NAALADL2: variants seen among roughly 807,000 people sequenced by gnomAD.
NAALADL2 encodes the protein inactive N-acetylated-alpha-linked acidic dipeptidase-like protein 2.
In NAALADL2, 76 loss-of-function variants were observed where a neutral mutation model predicts 87.2. That is an observed-to-expected ratio of 0.87 (90% confidence interval 0.72 to 1.05). The LOEUF (loss-of-function observed/expected upper bound fraction) is 1.05, where lower values mean the gene tolerates loss of function less well. Ranked by LOEUF, NAALADL2 falls within the 50% of genes least tolerant of loss-of-function variation. The probability of loss-of-function intolerance (pLI) is 0.00; values close to 1 mark genes in which losing one functional copy is unlikely to be tolerated. For synonymous variants in NAALADL2, 354 were observed against 331.0 expected (o/e 1.07, Z -0.75); for missense variants, 1,089 against 945.8 (o/e 1.15, Z -1.99).
intron 9 of NAALADL2, among the ~76,000 whole-genome samples, chr3:175,485,592 C>A (rs1727141738): frequency 1.3e-5 from 2 of 152,208 alleles, no homozygotes; most frequent in South Asian, 4.2e-4. Flanking sequence ...GAACCTGGAA[C>A]CTGATGTTCA....
At chr3:175,401,105 A>C (rs2149058531) in intron 5 of NAALADL2, among the ~76,000 whole-genome samples, 1 of 152,248 alleles carries the variant, frequency 6.6e-6, no homozygotes, top group East Asian at 1.9e-4. Context: ...AGGTCAAAAC[A>C]GGTACAGGTA....
At chr3:175,311,600 C>A (rs575699388) in intron 4 of NAALADL2, among the ~76,000 whole-genome samples, 1 of 150,866 alleles carries the variant, frequency 6.6e-6, no homozygotes, top group African/African-American at 2.4e-5. Flanking sequence ...CCTCCCTTAC[C>A]CACCCTCTTT....
At chr3:174,799,472 C>G (rs1281021836) in intron 3 of NAALADL2, among the ~76,000 whole-genome samples, 1 of 152,128 alleles carries the variant, frequency 6.6e-6, no homozygotes, top group Non-Finnish European at 1.5e-5. Context: ...TGCACAAGCT[C>G]TCTGTTTGCC....
At chr3:175,481,533 T>C (rs9290559) in intron 9 of NAALADL2, among the ~76,000 whole-genome samples, 94,058 of 151,588 alleles carry the variant, frequency 0.62, 31,033 homozygotes, top group East Asian at 0.89. Flanking sequence ...CTTGAAAAAA[T>C]GGTTTGACTA....
chr3:175,580,052 A>G (rs1452859642), intron 10 of NAALADL2, among the ~76,000 whole-genome samples: 1 of 152,178 alleles, frequency 6.6e-6, no homozygotes, highest in African/African-American at 2.4e-5. Context: ...TAATGAGATA[A>G]AAGAGTATTA....
chr3:175,215,863 G>GTCA (rs1742439292), intron 2 of NAALADL2, among the ~76,000 whole-genome samples: 2 of 152,076 alleles, frequency 1.3e-5, no homozygotes, highest in Non-Finnish European at 2.9e-5. Context: ...CTGAATGGAT[G>GTCA]GGTCTAGTCA....
At chr3:175,592,569 A>G (rs984654591) in intron 10 of NAALADL2, among the ~76,000 whole-genome samples, 1 of 152,140 alleles carries the variant, frequency 6.6e-6, no homozygotes, top group African/African-American at 2.4e-5. Context: ...ATAAAAAATG[A>G]TGAGTTCATG....
At chr3:175,287,710 T>A (rs1164089387) in intron 4 of NAALADL2, among the ~76,000 whole-genome samples, 1 of 152,200 alleles carries the variant, frequency 6.6e-6, no homozygotes, top group Non-Finnish European at 1.5e-5. Context: ...CAAGTCTCCG[T>A]CTTGTGAGTT....
intron 10 of NAALADL2, among the ~76,000 whole-genome samples, chr3:175,615,153 T>C (rs1725160616): frequency 6.6e-6 from 1 of 152,206 alleles, no homozygotes; most frequent in South Asian, 2.1e-4. Context: ...ATTATTATTA[T>C]CATTGTCATT....
intron 3 of NAALADL2, among the ~76,000 whole-genome samples, chr3:175,248,612 G>A (rs1053688318): frequency 1.3e-5 from 2 of 151,978 alleles, no homozygotes; most frequent in African/African-American, 4.8e-5. Context: ...CACATATTCA[G>A]TCATTTATTC....
chr3:174,466,428 G>T (rs931204606), intron 1 of NAALADL2, among the ~76,000 whole-genome samples: 8 of 152,120 alleles, frequency 5.3e-5, no homozygotes, highest in Non-Finnish European at 1.0e-4. Flanking sequence ...ACCTATGGCT[G>T]CAAGGGAAGC....
intron 1 of NAALADL2, among the ~76,000 whole-genome samples, chr3:174,958,486 C>T (rs951695806): frequency 2.0e-5 from 3 of 151,932 alleles, no homozygotes; most frequent in Non-Finnish European, 4.4e-5. Flanking sequence ...TTTTATCCAT[C>T]CCCAAGGGTT....
At chr3:175,660,764 C>G (rs1233347360) in intron 11 of NAALADL2, among the ~76,000 whole-genome samples, 2 of 152,054 alleles carry the variant, frequency 1.3e-5, no homozygotes, top group Non-Finnish European at 2.9e-5. Context: ...TGATATTTGT[C>G]TTTCTGTTCC....
chr3:174,810,078 C>T (rs1033939841), intron 3 of NAALADL2, among the ~76,000 whole-genome samples: 2 of 152,256 alleles, frequency 1.3e-5, no homozygotes, highest in African/African-American at 4.8e-5. Flanking sequence ...GTACAGCCTA[C>T]AGAACTGTGA....
intron 1 of NAALADL2, among the ~76,000 whole-genome samples, chr3:174,899,492 A>G (rs1027863518): frequency 6.6e-6 from 1 of 152,114 alleles, no homozygotes; most frequent in Admixed American, 6.6e-5. Flanking sequence ...TTTGCTTAAA[A>G]GTGTGTGGCA....
At chr3:175,575,223 T>A (rs1718685675) in intron 9 of NAALADL2, among the ~76,000 whole-genome samples, 1 of 152,194 alleles carries the variant, frequency 6.6e-6, no homozygotes, top group South Asian at 2.1e-4. Flanking sequence ...CATCTAGGAA[T>A]ATGCTTTCAG....
At chr3:174,777,141 C>T (rs1446547724) in intron 3 of NAALADL2, among the ~76,000 whole-genome samples, 3 of 152,024 alleles carry the variant, frequency 2.0e-5, no homozygotes, top group Non-Finnish European at 4.4e-5. Flanking sequence ...TTTTGGACAC[C>T]AGCCCAGAAA....
At chr3:174,861,652 A>G (rs958132311) in intron 1 of NAALADL2, among the ~76,000 whole-genome samples, 1 of 152,072 alleles carries the variant, frequency 6.6e-6, no homozygotes, top group Non-Finnish European at 1.5e-5. Flanking sequence ...TTATCATTGG[A>G]ACTCCATCAA....
chr3:174,488,774 A>G (rs916812715), intron 1 of NAALADL2, among the ~76,000 whole-genome samples: 1 of 151,974 alleles, frequency 6.6e-6, no homozygotes, highest in African/African-American at 2.4e-5. Context: ...TCAGCCTACT[A>G]AATAAGCGGT....
Sources: gnomAD v4.1 joint callset for allele counts (sites outside exome capture counted in the v4.1 genomes callset) on GRCh38, gnomAD v4.1.1 for gene constraint, MANE v1.5 for transcripts, NCBI Gene and HGNC (gene_info 2026-07-23, HGNC 2026-07-21) for gene names.